Variants in SEC16A observed in about 807,000 individuals in gnomAD.
The protein encoded by SEC16A is SEC16 homolog A, endoplasmic reticulum export factor, also known as protein transport protein Sec16A.
A neutral mutation model predicts 221.9 loss-of-function variants in SEC16A; 110 were observed. That is an observed-to-expected ratio of 0.50 (90% CI 0.42 to 0.58). The LOEUF (loss-of-function observed/expected upper bound fraction) is 0.58, where lower values mean the gene tolerates loss of function less well. Ranked by LOEUF, SEC16A falls within the 20% of genes least tolerant of loss-of-function variation. The pLI is 0.00. For missense variants in SEC16A, 3,165 were observed against 3,097.8 expected (o/e 1.02, Z -0.52); for synonymous variants, 1,393 against 1,257.7 (o/e 1.11, Z -2.28).
Position 136,455,692 on chromosome 9 carries a change from C to G in SEC16A, c.5766G>C (p.Gln1922His). 6.3e-7 allele frequency: 1 copy of G among 1,593,444 alleles called. No homozygotes were observed. Among genetic ancestry groups the G allele is most frequent in the Non-Finnish European group, 8.5e-7 (1 of 1,170,844 alleles). The change falls in exon 20 of 32, where the codon CAG becomes CAC. Residue 1922 changes from glutamine (Q) to histidine (H), a missense_variant. Gln to His is a conservative substitution (Grantham distance 24, BLOSUM62 0). This residue lies in a region of SEC16A where 1,088 missense variants were observed against 1,089.6 expected (regional missense o/e 1.00). Transcript: ENST00000684901. ...MEQLDRPGLS[Q>H]PGALGIANPL... ...GGTTGGCGATCCCCAGGGCTCCTGGCTGACTGAGTCCTGGCCTGTCCAACT... is the reference window on the plus strand; with the variant it reads ...GGTTGGCGATCCCCAGGGCTCCTGGGTGACTGAGTCCTGGCCTGTCCAACT...
chr9:136,483,744 CG>C, upstream of SEC16A: 3 of 985,428 alleles, frequency 3.0e-6, no homozygotes, highest in Non-Finnish European at 3.6e-6. Context: ...GGCCCTGACG[CG>C]GGCGCGCTCC....
chr9:136,443,503 G>A (rs1836496295), intron 31 of SEC16A, among the ~76,000 whole-genome samples: 1 of 152,176 alleles, frequency 6.6e-6, no homozygotes, highest in East Asian at 1.9e-4. Flanking sequence ...TAGGCAACAA[G>A]GTGAGACCGT....
At chr9:136,473,241 C>A (rs555680972) in intron 3 of SEC16A, among the ~76,000 whole-genome samples, 5 of 152,268 alleles carry the variant, frequency 3.3e-5, no homozygotes, top group Non-Finnish European at 7.3e-5. Context: ...ACTGGCCTTA[C>A]ATACCGCAAG....
Position 136,466,058 on chromosome 9 carries a change from A to C in SEC16A, c.4207T>G (p.Phe1403Val). 6.2e-7 allele frequency: 1 copy of C among 1,613,376 alleles called. No individual in the cohort carries two copies. The highest frequency in any genetic ancestry group is 1.3e-5 in the African/African-American group (1 of 75,044). ...PLPPGSFHGD[F>V]AYGTYRSNFS... ...TTGCTGCGGTAGGTGCCGTAGGCAAAATCGCCGTGAAAGGAGCCTGGAGGA... is the reference window on the plus strand; with the variant it reads ...TTGCTGCGGTAGGTGCCGTAGGCAACATCGCCGTGAAAGGAGCCTGGAGGA... The change falls in exon 8 of 32, where the codon TTT (phenylalanine) becomes GTT (valine). Residue 1403 changes from phenylalanine (F) to valine (V), a missense_variant. Physicochemically the swap from Phe to Val is conservative, Grantham distance 50. Around this residue, in one of 3 missense-constraint regions of SEC16A, gnomAD observed 2,030 missense variants for 1,923.1 expected, o/e 1.06. Coordinates refer to ENST00000684901, the MANE Select transcript of SEC16A (RefSeq NM_014866.2). This position sits in a 1 kb window ranked among gnomAD's most constrained non-coding sequence, Gnocchi z 5.5.
Position 136,456,093 on chromosome 9 carries a change from G to A in SEC16A, c.5624C>T (p.Thr1875Met), listed in dbSNP as rs892972459. ...CACCTGCTGCAGGTGAACCAGCCAC[G>A]TGGGTGCGGCCAAGGACTCCTCTTC... ...KPEEESLAAP[T>M]WLVHLQQVER... The change falls in exon 19 of 32, where the codon ACG becomes ATG. Residue 1875 changes from threonine (T) to methionine (M), a missense_variant. Physicochemically the swap from Thr to Met is moderately conservative, Grantham distance 81. Around this residue, in one of 3 missense-constraint regions of SEC16A, gnomAD observed 1,088 missense variants for 1,089.6 expected, o/e 1.00. Transcript: ENST00000684901. 33 of 1,613,050 alleles carry A rather than the reference G, an allele frequency of 2.0e-5. No individual in the cohort carries two copies. The highest frequency in any genetic ancestry group is 2.7e-5 in the African/African-American group (2 of 75,018).
intron 12 of SEC16A, among the ~76,000 whole-genome samples, chr9:136,461,567 C>T (rs1839482175): frequency 6.6e-6 from 1 of 152,210 alleles, no homozygotes; most frequent in African/African-American, 2.4e-5. Context: ...GCGCTGCCCA[C>T]CACGCCGCCC....
At chr9:136,484,469 C>T, upstream of SEC16A, 1 of 1,212,110 alleles carries the variant, frequency 8.3e-7, no homozygotes, top group South Asian at 1.5e-5. Context: ...CACTCACCTG[C>T]ACACCTGCCT....
chr9:136,482,120 CTT>C (rs199643766), intron 1 of SEC16A, among the ~76,000 whole-genome samples: 1 of 152,198 alleles, frequency 6.6e-6, no homozygotes, highest in Non-Finnish European at 1.5e-5. Context: ...TATTTTGCCT[CTT>C]GTCTACAAGA....
At position 136,447,914 on chromosome 9, in the gene SEC16A, C is replaced by A; in HGVS notation, c.6391-5G>T. ...TTTCTTTTCATCCCAAACAATCTGC[C>A]AAGATTTTAAAAAGAAAAAAGGTCA... On this transcript the variant is annotated splice_region_variant and splice_polypyrimidine_tract_variant and intron_variant, in intron 24 of 31. Transcript: ENST00000684901. This position sits in a 1 kb window ranked among gnomAD's most constrained non-coding sequence, Gnocchi z 5.5. The A allele has an allele frequency of 1.2e-6, 2 of 1,604,894 alleles. No homozygotes were observed. The highest frequency in any genetic ancestry group is 1.7e-6 in the Non-Finnish European group (2 of 1,175,182).
chr9:136,449,273 CAG>C (rs60532644), intron 23 of SEC16A, among the ~76,000 whole-genome samples: 3,433 of 152,308 alleles, frequency 0.023, 168 homozygotes, highest in African/African-American at 0.077. Context: ...TTTTCTGAGA[CAG>C]AGTCTCGCTC....
intron 17 of SEC16A, among the ~76,000 whole-genome samples, chr9:136,457,993 G>T (rs1333723023): frequency 6.6e-6 from 1 of 151,972 alleles, no homozygotes; most frequent in Non-Finnish European, 1.5e-5. Context: ...GTCTCACTTT[G>T]TCACCCAGTC....
chr9:136,443,055 G>A (rs938124001), intron 31 of SEC16A, among the ~76,000 whole-genome samples: 2 of 152,392 alleles, frequency 1.3e-5, no homozygotes, highest in Non-Finnish European at 2.9e-5. Context: ...CCCGGGCCAA[G>A]GGAGGAGAGA....
At position 136,456,118 on chromosome 9, in the gene SEC16A, C is replaced by T. The variant is rs1838625283; in HGVS notation, c.5599G>A (p.Glu1867Lys). Residue 1867 changes from glutamate to lysine, a missense_variant, in exon 19 of 32, where the codon GAA becomes AAA. Around this residue, in one of 3 missense-constraint regions of SEC16A, gnomAD observed 1,088 missense variants for 1,089.6 expected, o/e 1.00. Transcript: ENST00000684901. The part of the protein sequence containing the change: ...LFDPQLKEKP[E>K]EESLAAPTWL... Reference sequence around the variant, plus strand: ...GTGGGTGCGGCCAAGGACTCCTCTTCTGGCTTCTCTTTCAGCTGGGGATCG... The same window carrying T: ...GTGGGTGCGGCCAAGGACTCCTCTTTTGGCTTCTCTTTCAGCTGGGGATCG... 6.2e-7 allele frequency: 1 copy of T among 1,612,674 alleles called. No homozygotes were observed. Among genetic ancestry groups the T allele is most frequent in the Non-Finnish European group, 8.5e-7 (1 of 1,179,848 alleles).
intron 4 of SEC16A, among the ~76,000 whole-genome samples, chr9:136,470,034 A>G (rs1417206894): frequency 6.6e-6 from 1 of 152,214 alleles, no homozygotes; most frequent in Non-Finnish European, 1.5e-5. Context: ...CTCAAAAACA[A>G]CAAGGCTAAG....
At chr9:136,451,909 C>T (rs188810437) in intron 22 of SEC16A, among the ~76,000 whole-genome samples, 2 of 152,306 alleles carry the variant, frequency 1.3e-5, no homozygotes, top group East Asian at 3.9e-4. Context: ...ATAGCAATCG[C>T]CTACTGATGG....
chr9:136,461,304 G>C (rs542588927), intron 12 of SEC16A, 30 bp from the exon 13 acceptor site: 3 of 1,508,338 alleles, frequency 2.0e-6, no homozygotes, highest in African/African-American at 1.4e-5. Flanking sequence ...GACCTTGGTG[G>C]GTTATCGGCG....
At chr9:136,443,700 A>T in intron 31 of SEC16A, 123 bp downstream of exon 31, 1 of 683,052 alleles carries the variant, frequency 1.5e-6, no homozygotes. Context: ...TAAATAAATA[A>T]ATATATTTTT....
rs571583210 is a variant in SEC16A at position 136,463,147 on chromosome 9, AG to A, written c.4648-16del. On this transcript the variant is annotated splice_polypyrimidine_tract_variant and intron_variant, in intron 11 of 31. Transcript: ENST00000684901. The stretch of plus-strand genomic sequence containing the variant: ...CCTACCACGGTCTGTTTGGGTCAAC[AG>A]GAACAGGAAGGAGAACAACGGCTCT... 164 of 1,605,822 alleles carry A rather than the reference AG, an allele frequency of 1.0e-4. 2 individuals are homozygous for A. The South Asian group carries it at 1.7e-3, about 17-fold the overall frequency.
chr9:136,458,575 C>T (rs893411221), intron 17 of SEC16A, among the ~76,000 whole-genome samples: 4 of 148,922 alleles, frequency 2.7e-5, no homozygotes, highest in South Asian at 2.1e-4. Flanking sequence ...TTGCAGTGAG[C>T]GGAGATCGTG....
Sources: gnomAD v4.1 joint callset for allele counts (sites outside exome capture counted in the v4.1 genomes callset) on GRCh38, gnomAD v4.1.1 for gene constraint, gnomAD v4.1.1 regional missense constraint, Gnocchi (gnomAD v3.1) non-coding constraint, MANE v1.5 for transcripts, NCBI Gene and HGNC (gene_info 2026-07-23, HGNC 2026-07-21) for gene names.